UBE3D: variants seen among roughly 807,000 people sequenced by gnomAD.
UBE3D encodes E3 ubiquitin-protein ligase E3D.
A neutral mutation model predicts 49.6 loss-of-function variants in UBE3D; 48 were observed. The ratio of observed to expected loss-of-function variants is 0.97; its 90% confidence interval spans 0.77 to 1.23. The LOEUF (loss-of-function observed/expected upper bound fraction) is 1.23. Among genes scored for constraint, UBE3D ranks in the 50% most tolerant of loss-of-function variants. The pLI is 0.00. For synonymous variants in UBE3D, 189 were observed against 174.2 expected (o/e 1.08, Z -0.67); for missense variants, 452 against 468.4 (o/e 0.96, Z 0.32).
At chr6:83,012,539 G>A (rs1028942523) in intron 8 of UBE3D, among the ~76,000 whole-genome samples, 2 of 152,160 alleles carry the variant, frequency 1.3e-5, no homozygotes, top group African/African-American at 4.8e-5. Flanking sequence ...GGGGAAAGAG[G>A]CTGAGAATGA....
intron 8 of UBE3D, among the ~76,000 whole-genome samples, chr6:82,966,290 A>G (rs929802095): frequency 6.6e-6 from 1 of 152,176 alleles, no homozygotes; most frequent in African/African-American, 2.4e-5. Flanking sequence ...GCAGAGTTTC[A>G]TTTTAGGGAG....
rs559779032 is a variant in UBE3D, at chr6:82,901,631, C to T, written c.1150-8589G>A. Among the ~76,000 whole-genome samples the T allele has an allele frequency of 1.5e-3, 232 of 152,220 alleles. 1 individual carries two copies. Among genetic ancestry groups the T allele is most frequent in the Non-Finnish European group, 2.3e-3 (154 of 68,022 alleles). On this transcript the variant is annotated intron_variant, in intron 9 of 9. Coordinates refer to ENST00000369747, the MANE Select transcript of UBE3D (RefSeq NM_198920.3). ...GATTAAAGTGACATAGCTAATTAGGCGAGGACTCAAACACAGGTCTTCTAA... is the reference window on the plus strand; with the variant it reads ...GATTAAAGTGACATAGCTAATTAGGTGAGGACTCAAACACAGGTCTTCTAA...
At chr6:83,040,120 C>T (rs1782555509) in intron 4 of UBE3D, among the ~76,000 whole-genome samples, 1 of 152,086 alleles carries the variant, frequency 6.6e-6, no homozygotes, top group Admixed American at 6.5e-5. Context: ...CACCATGGCT[C>T]ACACCTGTAA....
At chr6:83,041,187 A>T (rs1273274473) in intron 4 of UBE3D, among the ~76,000 whole-genome samples, 4 of 152,228 alleles carry the variant, frequency 2.6e-5, no homozygotes, top group Middle Eastern at 6.8e-3. Flanking sequence ...GAAGCAGAAA[A>T]TTTTTTTTCA....
At chr6:82,925,839 T>G (rs1773708655) in intron 9 of UBE3D, among the ~76,000 whole-genome samples, 1 of 152,032 alleles carries the variant, frequency 6.6e-6, no homozygotes, top group Admixed American at 6.6e-5. Flanking sequence ...AAATATTAAA[T>G]AAATAATATT....
intron 8 of UBE3D, among the ~76,000 whole-genome samples, chr6:83,001,362 T>C (rs1475863098): frequency 6.6e-6 from 1 of 152,254 alleles, no homozygotes; most frequent in Non-Finnish European, 1.5e-5. Flanking sequence ...ATTTAATAAG[T>C]ATTTGCTGAA....
intron 9 of UBE3D, among the ~76,000 whole-genome samples, chr6:82,919,431 G>A (rs1328319968): frequency 4.0e-5 from 6 of 151,402 alleles, no homozygotes; most frequent in African/African-American, 1.2e-4. Flanking sequence ...GTGAAACCCT[G>A]TCTGCACTAA....
intron 5 of UBE3D, among the ~76,000 whole-genome samples, chr6:83,035,766 T>C (rs1582704929): frequency 1.3e-5 from 2 of 152,188 alleles, no homozygotes; most frequent in Non-Finnish European, 2.9e-5. Context: ...GAAAATAGAC[T>C]TGTATTTTTG....
At chr6:82,967,739 T>C (rs1777053504) in intron 8 of UBE3D, among the ~76,000 whole-genome samples, 1 of 151,914 alleles carries the variant, frequency 6.6e-6, no homozygotes, top group Non-Finnish European at 1.5e-5. Flanking sequence ...ATTCCTGGGC[T>C]CAAGTGATCC....
At chr6:82,965,882 T>C (rs1468182336) in intron 8 of UBE3D, among the ~76,000 whole-genome samples, 1 of 152,174 alleles carries the variant, frequency 6.6e-6, no homozygotes, top group African/African-American at 2.4e-5. Context: ...CCAACCCCTC[T>C]GAATTATTTT....
chr6:82,967,375 G>A lies in UBE3D; in HGVS notation c.1011-9925C>T, dbSNP rs147993321. Among the ~76,000 whole-genome samples, 363 of 152,126 alleles carry A rather than the reference G, an allele frequency of 2.4e-3. 1 individual carries two copies. The highest frequency in any genetic ancestry group is 7.8e-3 in the African/African-American group (322 of 41,468). On this transcript the variant is annotated intron_variant, in intron 8 of 9. Transcript: ENST00000369747. ...AATTATTTCACATGTGCAGACTCGTGTGACCACATTAACACTGAATAGCCA... is the reference window on the plus strand; with the variant it reads ...AATTATTTCACATGTGCAGACTCGTATGACCACATTAACACTGAATAGCCA...
chr6:82,936,094 T>A (rs1435197787), intron 9 of UBE3D, among the ~76,000 whole-genome samples: 2 of 151,344 alleles, frequency 1.3e-5, no homozygotes, highest in East Asian at 1.9e-4. Flanking sequence ...AAAAAAACAA[T>A]GGTAAGGTCT....
chr6:82,913,017 G>T (rs1372066600), intron 9 of UBE3D, among the ~76,000 whole-genome samples: 2 of 152,196 alleles, frequency 1.3e-5, no homozygotes, highest in Non-Finnish European at 2.9e-5. Context: ...AGTTTTACAG[G>T]ACTGTTTCAC....
chr6:82,985,713 A>G (rs1778437310), intron 8 of UBE3D, among the ~76,000 whole-genome samples: 1 of 152,172 alleles, frequency 6.6e-6, no homozygotes, highest in African/African-American at 2.4e-5. Context: ...TCCCCGTGTA[A>G]CATGTAAAGA....
the UBE3D span, among the ~76,000 whole-genome samples, chr6:82,883,489 G>T: frequency 6.6e-6 from 1 of 152,128 alleles, no homozygotes; most frequent in Non-Finnish European, 1.5e-5. Flanking sequence ...ATAAAATACT[G>T]GACCTGACCT....
At chr6:83,052,763 T>G (rs529782956) in intron 3 of UBE3D, among the ~76,000 whole-genome samples, 135 of 152,134 alleles carry the variant, frequency 8.9e-4, no homozygotes, top group Non-Finnish European at 1.5e-3. Context: ...GAATTTATAT[T>G]GGAGAAATGG....
At chr6:82,941,473 T>C (rs1421805808) in intron 9 of UBE3D, among the ~76,000 whole-genome samples, 1 of 152,162 alleles carries the variant, frequency 6.6e-6, no homozygotes. Context: ...AAAAGTTCAC[T>C]TTCTCTTGTC....
chr6:83,044,566 T>C lies in UBE3D; in HGVS notation c.459A>G (p.Ser153=). The C allele has an allele frequency of 6.2e-7, 1 of 1,614,112 alleles. No individual in the cohort carries two copies. Among genetic ancestry groups the C allele is most frequent in the Non-Finnish European group, 8.5e-7 (1 of 1,179,990 alleles). Residue 153 remains serine, a synonymous_variant, in exon 4 of 10, where the codon TCA becomes TCG. Transcript: ENST00000369747. ...CCHPDPFANK[S]LHPQENDCFI... ...AACAGTCATTCTCTTGCGGATGAAG[T>C]GATTTATTAGCAAAGGGGTCAGGAT...
At chr6:82,922,201 T>G (rs293499) in intron 9 of UBE3D, among the ~76,000 whole-genome samples, 102,293 of 152,004 alleles carry the variant, frequency 0.67, 34,919 homozygotes, top group East Asian at 0.8. Context: ...TATTGAAACT[T>G]ATTCCAGAAT....
Sources: gnomAD v4.1 joint callset for allele counts (sites outside exome capture counted in the v4.1 genomes callset) on GRCh38, gnomAD v4.1.1 for gene constraint, MANE v1.5 for transcripts, NCBI Gene and HGNC (gene_info 2026-07-23, HGNC 2026-07-21) for gene names.